The following DNMT1 variants were observed in gnomAD, a reference collection of about 807,000 sequenced individuals.
The protein encoded by DNMT1 is DNA (cytosine-5)-methyltransferase 1.
A neutral mutation model predicts 205.3 loss-of-function variants in DNMT1; 24 were observed. The observed-to-expected ratio is 0.12, with a 90% CI of 0.08 to 0.16. The LOEUF is 0.16. Ranked by LOEUF, DNMT1 falls within the 10% of genes least tolerant of loss-of-function variation. The probability of loss-of-function intolerance (pLI) is 1.00; values close to 1 mark genes in which losing one functional copy is unlikely to be tolerated. For missense variants in DNMT1, 1,293 were observed against 2,177.7 expected (o/e 0.59, Z 8.09); for synonymous variants, 817 against 839.8 (o/e 0.97, Z 0.47).
At chr19:10,135,468 T>C (rs1420598852) in intron 39 of DNMT1, 3 of 511,078 alleles carry the variant, frequency 5.9e-6, no homozygotes, top group Non-Finnish European at 1.1e-5. Flanking sequence ...CCATGGGTTT[T>C]AGCCTGCTCC....
At chr19:10,188,347 C>T (rs2145403335) in intron 1 of DNMT1, among the ~76,000 whole-genome samples, 1 of 152,222 alleles carries the variant, frequency 6.6e-6, no homozygotes, top group African/African-American at 2.4e-5. Context: ...CAAGACCAGC[C>T]TGGGAAACAT....
chr19:10,183,043 A>G (rs1599401567), intron 1 of DNMT1, among the ~76,000 whole-genome samples: 1 of 143,056 alleles, frequency 7.0e-6, no homozygotes, highest in South Asian at 2.3e-4. Flanking sequence ...ATACGTATAT[A>G]TGTGTATACA....
chr19:10,194,197 T>A (rs2039357139), intron 1 of DNMT1, among the ~76,000 whole-genome samples: 1 of 152,140 alleles, frequency 6.6e-6, no homozygotes, highest in Non-Finnish European at 1.5e-5. Context: ...ACATGGACTT[T>A]CCCAAGGAGC....
Position 10,180,790 on chromosome 19 carries a change from T to C in DNMT1, c.213A>G (p.Glu71=). The C allele has an allele frequency of 1.2e-6, 2 of 1,614,150 alleles. No homozygotes were observed. The highest frequency in any genetic ancestry group is 8.5e-7 in the Non-Finnish European group (1 of 1,179,996). The part of the protein sequence containing the change: ...LCDLETKLRK[E]ELSEEGYLAK... Reference sequence around the variant, plus strand: ...AGAACTGACTTACCTCGGATAATTCTTCTTTACGTAATTTGGTTTCCAAGT... The same window carrying C: ...AGAACTGACTTACCTCGGATAATTCCTCTTTACGTAATTTGGTTTCCAAGT... Residue 71 remains glutamate (E), a synonymous_variant, in exon 3 of 41, where the codon GAA becomes GAG. Coordinates refer to ENST00000359526, the MANE Select transcript of DNMT1 (RefSeq NM_001130823.3).
chr19:10,176,596 G>A (rs993951845), intron 6 of DNMT1, among the ~76,000 whole-genome samples: 4 of 152,172 alleles, frequency 2.6e-5, no homozygotes, highest in African/African-American at 9.7e-5. Flanking sequence ...GGTGGCTCAC[G>A]CCTGTAACCC....
At position 10,149,861 on chromosome 19, in the gene DNMT1, A is replaced by G; in HGVS notation, c.2373T>C (p.Tyr791=). The G allele has an allele frequency of 6.2e-7, 1 of 1,614,222 alleles. No homozygotes were observed. The highest frequency in any genetic ancestry group is 8.5e-7 in the Non-Finnish European group (1 of 1,180,034). Residue 791 remains tyrosine (Y), a synonymous_variant, in exon 25 of 41, where the codon TAT becomes TAC. Transcript: ENST00000359526. ...AAAAGAAAGATGCAAACCTTGCTAG[A>G]TACAGCGGTTTTGAGGAATCATCTG... ...VIPDDSSKPL[Y]LARVTALWED...
intron 6 of DNMT1, among the ~76,000 whole-genome samples, chr19:10,176,017 C>T (rs540801291): frequency 6.6e-6 from 1 of 152,148 alleles, no homozygotes; most frequent in East Asian, 1.9e-4. Flanking sequence ...AAAATACAAA[C>T]ATTAGCCAGG....
rs572884527 is a variant in DNMT1 at position 10,184,768 on chromosome 19, G to A, written c.81-2691C>T. Among the ~76,000 whole-genome samples, 10 of 152,344 alleles carry A rather than the reference G, an allele frequency of 6.6e-5. No individual in the cohort carries two copies. In the South Asian group the frequency reaches 1.0e-3, roughly 16 times the overall value. On this transcript the variant is annotated intron_variant, in intron 1 of 40. Coordinates refer to ENST00000359526, the MANE Select transcript of DNMT1 (RefSeq NM_001130823.3). ...GGGGTGAGAACAGGCCTAACCAGCTGGGTAAGTGTCTGTTGGTGGAGAGAA... is the reference window on the plus strand; with the variant it reads ...GGGGTGAGAACAGGCCTAACCAGCTAGGTAAGTGTCTGTTGGTGGAGAGAA...
At chr19:10,144,013 C>T (rs747730937) in intron 28 of DNMT1, 26 bp from the exon 29 acceptor site, 1 of 1,611,134 alleles carries the variant, frequency 6.2e-7, no homozygotes, top group African/African-American at 1.3e-5. Context: ...CACTTGACAT[C>T]AATGAACCTT....
Position 10,192,021 on chromosome 19 carries a change from G to A in DNMT1, c.80+2799C>T, listed in dbSNP as rs143564287. Among the ~76,000 whole-genome samples the A allele has an allele frequency of 5.4e-3, 816 of 151,920 alleles. 6 individuals carry two copies. The highest frequency in any genetic ancestry group is 0.051 in the Middle Eastern group (15 of 294). On this transcript the variant is annotated intron_variant, in intron 1 of 40. Transcript: ENST00000359526. ...GTATTTTTAGTAGAGATGGGGTTTC[G>A]CCACGTTGGCCAGGCTGGTCTCAAA... is the stretch of plus-strand genomic sequence containing the variant.
chr19:10,180,990 T>G, intron 2 of DNMT1, 105 bp from the exon 3 acceptor site: 1 of 870,962 alleles, frequency 1.1e-6, no homozygotes, highest in Admixed American at 2.0e-5. Context: ...AATGAGTGAA[T>G]GGCAGGCAAT....
chr19:10,189,563 G>C (rs943906663), intron 1 of DNMT1, among the ~76,000 whole-genome samples: 1 of 151,754 alleles, frequency 6.6e-6, no homozygotes, highest in African/African-American at 2.4e-5. Flanking sequence ...GGGACCCCAG[G>C]TGCATGCCAC....
In DNMT1 at chr19:10,151,183, G is replaced by A. The variant is rs1184876331; in HGVS notation, c.2265+215C>T. 2.0e-5 allele frequency among the ~76,000 whole-genome samples: 3 copies of A among 152,192 alleles called. No individual in the cohort carries two copies. The highest frequency in any genetic ancestry group is 4.4e-5 in the Non-Finnish European group (3 of 68,034). On this transcript the variant is annotated intron_variant, in intron 24 of 40. Transcript: ENST00000359526. This position sits in a 1 kb window ranked among gnomAD's most constrained non-coding sequence, Gnocchi z 5.0. The stretch of plus-strand genomic sequence containing the variant: ...TCAAATGCCCATTTTGGGACATTAG[G>A]AGAACTGAGCCTTGTGGCCACACAA...
intron 9 of DNMT1, among the ~76,000 whole-genome samples, chr19:10,171,252 A>T (rs1181325513): frequency 7.2e-5 from 11 of 152,172 alleles, no homozygotes. Context: ...GGAGAATACA[A>T]CTTTATGTCT....
chr19:10,149,549 C>T lies in DNMT1; in HGVS notation c.2490G>A (p.Leu830=). The T allele has an allele frequency of 6.2e-7, 1 of 1,614,072 alleles. No homozygotes were observed. ...TGTCCTCACATTCATCCACCAAGAACAGCTCCAGAGGGTCCGACGTGGCCC... is the reference window on the plus strand; with the variant it reads ...TGTCCTCACATTCATCCACCAAGAATAGCTCCAGAGGGTCCGACGTGGCCC... ...VLGATSDPLE[L]FLVDECEDMQ... The change falls in exon 26 of 41, where the codon CTG becomes CTA. Residue 830 remains leucine, a synonymous_variant. Coordinates refer to ENST00000359526, the MANE Select transcript of DNMT1 (RefSeq NM_001130823.3).
Position 10,137,539 on chromosome 19 carries a change from A to G in DNMT1, c.4294-259T>C. On this transcript the variant is annotated intron_variant, in intron 36 of 40. Coordinates refer to ENST00000359526, the MANE Select transcript of DNMT1 (RefSeq NM_001130823.3). The surrounding 1 kb of genome is among the most constrained non-coding windows in gnomAD (Gnocchi z 6.4). ...GGGAGTGGTGCCAGGGGATGGTGAAAGGGCTGGTCTTGGCATCCTGGGAAA... is the reference window on the plus strand; with the variant it reads ...GGGAGTGGTGCCAGGGGATGGTGAAGGGGCTGGTCTTGGCATCCTGGGAAA... 2 of 635,486 alleles carry G rather than the reference A, an allele frequency of 3.1e-6. No homozygotes were observed. The highest frequency in any genetic ancestry group is 2.7e-6 in the Non-Finnish European group (1 of 366,342). The allele number at this position is 635,486 out of a possible 1,614,324, so 39.4% of individuals were successfully genotyped here.
chr19:10,173,776 G>A lies in DNMT1; in HGVS notation c.683+95C>T. 1.0e-5 allele frequency: 14 copies of A among 1,384,078 alleles called. No homozygotes were observed. In the South Asian group the frequency reaches 1.6e-4, roughly 16 times the overall value. 85.7% of individuals were successfully genotyped at this position (1,384,078 alleles called of 1,614,324 possible). A position where few individuals can be genotyped will look rare whatever the true frequency, so the allele number is the denominator to read the frequency against. On this transcript the variant is annotated intron_variant, in intron 8 of 40. Coordinates refer to ENST00000359526, the MANE Select transcript of DNMT1 (RefSeq NM_001130823.3). The stretch of plus-strand genomic sequence containing the variant: ...CAAAGTGCTGAGATTACAGGCATGA[G>A]TCACCGTGCCCGGCCTTAAACTTTC...
In DNMT1 at chr19:10,149,354, C is replaced by A. The variant is rs57366074; in HGVS notation, c.2586+99G>T. On this transcript the variant is annotated intron_variant, in intron 26 of 40. Coordinates refer to ENST00000359526, the MANE Select transcript of DNMT1 (RefSeq NM_001130823.3). ...ACAAAAAAAAAAACAAAAAAAAAAC[C>A]AAATTAAAAAAAAATACAAATCAAA... The A allele has an allele frequency of 0.094, 135,267 of 1,440,576 alleles. 10,430 individuals carry two copies. The highest frequency in any genetic ancestry group is 0.37 in the East Asian group (16,002 of 43,746). 89.2% of individuals were successfully genotyped at this position (1,440,576 alleles called of 1,614,324 possible).
At chr19:10,169,073 G>T (rs953866531) in intron 9 of DNMT1, among the ~76,000 whole-genome samples, 2 of 151,960 alleles carry the variant, frequency 1.3e-5, no homozygotes, top group Admixed American at 1.3e-4. Context: ...CAAGTGATCC[G>T]TCTGCCTTGG....
Sources: allele counts gnomAD v4.1 joint callset (sites outside exome capture counted in the v4.1 genomes callset), GRCh38; gene constraint gnomAD v4.1.1; non-coding constraint Gnocchi (gnomAD v3.1); transcripts MANE v1.5; gene names NCBI Gene and HGNC (gene_info 2026-07-23, HGNC 2026-07-21).